Variants in PIN1 observed in about 807,000 individuals in gnomAD.
PIN1 encodes the protein peptidyl-prolyl cis-trans isomerase NIMA-interacting 1.
A neutral mutation model predicts 19.9 loss-of-function variants in PIN1; 8 were observed. That is an observed-to-expected ratio of 0.40 (90% confidence interval 0.24 to 0.72). The LOEUF is 0.72. Ranked by LOEUF, PIN1 falls within the 30% of genes least tolerant of loss-of-function variation. The pLI is 0.37. For missense variants in PIN1, 185 were observed against 226.5 expected (o/e 0.82, Z 1.18); for synonymous variants, 86 against 90.8 (o/e 0.95, Z 0.30).
chr19:9,841,493 G>C (rs1282241480), intron 2 of PIN1, among the ~76,000 whole-genome samples: 6 of 152,192 alleles, frequency 3.9e-5, no homozygotes, highest in African/African-American at 1.2e-4. Context: ...AGGGAGCTAG[G>C]GGGTGATGAG....
At chr19:9,848,297 C>T in intron 3 of PIN1, 157 bp downstream of exon 3, 1 of 632,304 alleles carries the variant, frequency 1.6e-6, no homozygotes, top group South Asian at 1.8e-5. Context: ...AGAGGCTGCT[C>T]TGCTGGGCAG....
rs1156641422 is a variant in PIN1, at chr19:9,849,207, G to C, written c.*8G>C. 6.3e-7 allele frequency: 1 copy of C among 1,596,090 alleles called. No homozygotes were observed. On this transcript the variant is annotated 3_prime_UTR_variant, in exon 4 of 4. Coordinates refer to ENST00000247970, the MANE Select transcript of PIN1 (RefSeq NM_006221.4). ...ATCCTCCGCACTGAGTGAGGGTGGG[G>C]AGCCCAGGCCTGGCCTCGGGGCAGG...
At chr19:9,843,512 G>A (rs1568360504) in intron 2 of PIN1, among the ~76,000 whole-genome samples, 1 of 152,270 alleles carries the variant, frequency 6.6e-6, no homozygotes, top group Admixed American at 6.5e-5. Context: ...GGTCACTGAT[G>A]TGCATTAGCT....
intron 3 of PIN1, chr19:9,848,708 G>T (rs1392239199): frequency 1.0e-5 from 3 of 300,376 alleles, no homozygotes; most frequent in Admixed American, 4.8e-5. Context: ...GTCTTAGTGG[G>T]GTGGGGCGGC....
chr19:9,847,955 G>A, intron 2 of PIN1, 75 bp from the exon 3 acceptor site: 1 of 908,080 alleles, frequency 1.1e-6, no homozygotes, highest in South Asian at 1.3e-5. Flanking sequence ...GGCCAGCTCT[G>A]GAGTCCTCCA....
At chr19:9,844,496 A>C (rs1437089757) in intron 2 of PIN1, among the ~76,000 whole-genome samples, 1 of 152,198 alleles carries the variant, frequency 6.6e-6, no homozygotes, top group Non-Finnish European at 1.5e-5. Flanking sequence ...GTCTGCCAGC[A>C]CAGATAGGTG....
In PIN1 at chr19:9,838,593, C is replaced by G. The variant is rs1000501448; in HGVS notation, c.216C>G (p.Ser72=). Residue 72 remains serine (S), a synonymous_variant, in exon 2 of 4, where the codon TCC becomes TCG. Transcript: ENST00000247970. The surrounding 1 kb of genome is among the most constrained non-coding windows in gnomAD (Gnocchi z 5.8). ...VKHSQSRRPS[S]WRQEKITRTK... ...ACAGCCAGTCACGGCGGCCCTCGTC[C>G]TGGCGGCAGGAGAAGATCACCCGGA... The G allele has an allele frequency of 1.0e-5, 16 of 1,557,474 alleles. No individual in the cohort carries two copies. Among genetic ancestry groups the G allele is most frequent in the Non-Finnish European group, 1.4e-5 (16 of 1,151,024 alleles).
intron 2 of PIN1, among the ~76,000 whole-genome samples, chr19:9,839,205 G>T (rs1286216269): frequency 6.6e-6 from 1 of 152,042 alleles, no homozygotes; most frequent in Non-Finnish European, 1.5e-5. Flanking sequence ...AGGCCTTGGA[G>T]GGCAGATCAC....
chr19:9,849,362 C>A lies in PIN1; in HGVS notation c.*163C>A. On this transcript the variant is annotated 3_prime_UTR_variant, in exon 4 of 4. Transcript: ENST00000247970. ...GGAGGGGGCCCTTCCAGATTGGGGG[C>A]CCTGGGGTCCCCACTCCCTGTCCAT... 1.4e-6 allele frequency: 1 copy of A among 709,320 alleles called. No homozygotes were observed. The highest frequency in any genetic ancestry group is 2.7e-5 in the East Asian group (1 of 37,562). The allele number at this position is 709,320 out of a possible 1,614,324, so 43.9% of individuals were successfully genotyped here. A position where few individuals can be genotyped will look rare whatever the true frequency, so the allele number is the denominator to read the frequency against.
chr19:9,841,813 G>T (rs972074963), intron 2 of PIN1, among the ~76,000 whole-genome samples: 6 of 152,204 alleles, frequency 3.9e-5, no homozygotes, highest in African/African-American at 1.4e-4. Context: ...GAGGCTTCCG[G>T]ACCCTATAAG....
intron 2 of PIN1, among the ~76,000 whole-genome samples, chr19:9,839,162 G>C (rs1032590520): frequency 6.6e-6 from 1 of 152,098 alleles, no homozygotes; most frequent in Non-Finnish European, 1.5e-5. Context: ...TGCAGGGTGC[G>C]GTGGCTCACG....
chr19:9,842,524 C>T lies in PIN1; in HGVS notation c.271+3876C>T, dbSNP rs149925109. 2.0e-3 allele frequency among the ~76,000 whole-genome samples: 309 copies of T among 152,292 alleles called. 3 individuals carry two copies. Among genetic ancestry groups the T allele is most frequent in the African/African-American group, 7.3e-3 (302 of 41,576 alleles). On this transcript the variant is annotated intron_variant, in intron 2 of 3. Coordinates refer to ENST00000247970, the MANE Select transcript of PIN1 (RefSeq NM_006221.4). ...GAGGTCAAGTCAAGGCCTCTGCTCA[C>T]GGGCAGCCCCTGCTGCCACCCCACA...
At chr19:9,837,046 C>T (rs995457017) in intron 1 of PIN1, 5 of 394,624 alleles carry the variant, frequency 1.3e-5, no homozygotes, top group Non-Finnish European at 2.5e-5. Context: ...GCAGTGCAGC[C>T]TCTGCCTCCC....
rs754038335 is a variant in PIN1, at chr19:9,849,477, G to A, written c.*278G>A. On this transcript the variant is annotated 3_prime_UTR_variant, in exon 4 of 4. Transcript: ENST00000247970. The stretch of plus-strand genomic sequence containing the variant: ...CTCCCAGACCCAGGGCAGTGTGGTG[G>A]GAGGGGTGTTCCAAAGAGAAGGCCT... 1.4e-6 allele frequency: 1 copy of A among 705,806 alleles called. No homozygotes were observed. Among genetic ancestry groups the A allele is most frequent in the South Asian group, 1.4e-5 (1 of 73,260 alleles). The allele number at this position is 705,806 out of a possible 1,614,324, so 43.7% of individuals were successfully genotyped here.
chr19:9,842,231 T>G (rs2046174524), intron 2 of PIN1, among the ~76,000 whole-genome samples: 1 of 151,872 alleles, frequency 6.6e-6, no homozygotes, highest in South Asian at 2.1e-4. Flanking sequence ...GGAGGCAGGA[T>G]AGAGAGGACT....
At chr19:9,847,772 A>C (rs1284388465) in intron 2 of PIN1, among the ~76,000 whole-genome samples, 5 of 152,198 alleles carry the variant, frequency 3.3e-5, no homozygotes, top group Non-Finnish European at 4.4e-5. Context: ...GGCAGGGCTC[A>C]TGGATGACTG....
At chr19:9,843,006 C>T (rs34614871) in intron 2 of PIN1, among the ~76,000 whole-genome samples, 2 of 152,378 alleles carry the variant, frequency 1.3e-5, no homozygotes, top group Non-Finnish European at 2.9e-5. Flanking sequence ...GCATTGGCTC[C>T]TCTGCAGCTG....
At chr19:9,840,310 C>T (rs2046152672) in intron 2 of PIN1, among the ~76,000 whole-genome samples, 1 of 152,194 alleles carries the variant, frequency 6.6e-6, no homozygotes, top group South Asian at 2.1e-4. Context: ...TGGCATGAAC[C>T]CGGGAGGTGG....
In PIN1 at chr19:9,847,225, A is replaced by C. The variant is rs74425687; in HGVS notation, c.272-805A>C. Among the ~76,000 whole-genome samples, 3 of 152,160 alleles carry C rather than the reference A, an allele frequency of 2.0e-5. No individual in the cohort carries two copies. The East Asian group carries it at 5.8e-4, about 29-fold the overall frequency. On this transcript the variant is annotated intron_variant, in intron 2 of 3. Coordinates refer to ENST00000247970, the MANE Select transcript of PIN1 (RefSeq NM_006221.4). Reference sequence around the variant, plus strand: ...CCACTTGGCTTCCGAAACGTGAGTCACTCAGATGCTACTCTGCTGCCGTCT... The same window carrying C: ...CCACTTGGCTTCCGAAACGTGAGTCCCTCAGATGCTACTCTGCTGCCGTCT...
Sources: gnomAD v4.1 joint callset for allele counts (sites outside exome capture counted in the v4.1 genomes callset) on GRCh38, gnomAD v4.1.1 for gene constraint, Gnocchi (gnomAD v3.1) non-coding constraint, MANE v1.5 for transcripts, NCBI Gene and HGNC (gene_info 2026-07-23, HGNC 2026-07-21) for gene names.